ARHGAP12: variants seen among roughly 807,000 people sequenced by gnomAD.
ARHGAP12 encodes the protein rho GTPase-activating protein 12.
Under a neutral mutation model 108.6 loss-of-function variants are expected in ARHGAP12, and 64 were observed. The observed-to-expected ratio is 0.59, with a 90% CI of 0.48 to 0.73. The LOEUF (loss-of-function observed/expected upper bound fraction) is 0.73. Among genes scored for constraint, ARHGAP12 ranks in the 30% least tolerant of loss-of-function variants. ARHGAP12 has a pLI of 0.00. For missense variants in ARHGAP12, 940 were observed against 1,005.9 expected, an observed-to-expected ratio of 0.93 and a Z score of 0.89; for synonymous variants, 312 against 337.2, an observed-to-expected ratio of 0.93 and a Z score of 0.82.
chr10:31,842,378 T>C (rs1364808366), intron 7 of ARHGAP12, among the ~76,000 whole-genome samples: 3 of 152,066 alleles, frequency 2.0e-5, no homozygotes, highest in Non-Finnish European at 4.4e-5. Flanking sequence ...TTTTCAAGCA[T>C]ATCTTCAATA....
At chr10:31,814,920 C>T (rs184715422) in intron 13 of ARHGAP12, among the ~76,000 whole-genome samples, 1 of 152,076 alleles carries the variant, frequency 6.6e-6, no homozygotes, top group East Asian at 1.9e-4. Context: ...GAGATTGAGA[C>T]CAGCCTGGCC....
chr10:31,866,301 C>A (rs1837318124), intron 3 of ARHGAP12, among the ~76,000 whole-genome samples: 1 of 152,172 alleles, frequency 6.6e-6, no homozygotes, highest in Admixed American at 6.5e-5. Context: ...TTAAAGACTT[C>A]AGCTACCAGC....
rs1259305939 is a variant in ARHGAP12, at chr10:31,908,407, A to C, written c.449T>G (p.Leu150Arg). ...YNQGQTVNLS[L>R]DLTHNNGKFN... is the part of the protein sequence containing the mutation. ...CTTTCCGTTATTATGGGTCAGGTCC[A>C]GGCTTAGGTTGACAGTCTGACCTTG... Residue 150 changes from leucine (L) to arginine (R), a missense_variant, in exon 3 of 20, where the codon CTG (leucine) becomes CGG (arginine). Leu to Arg is a moderately radical substitution (Grantham distance 102). Transcript: ENST00000344936. The C allele has an allele frequency of 1.9e-6, 3 of 1,614,100 alleles. No homozygotes were observed. Among genetic ancestry groups the C allele is most frequent in the Non-Finnish European group, 2.5e-6 (3 of 1,180,050 alleles).
At chr10:31,858,772 AC>A (rs2132300100) in intron 4 of ARHGAP12, among the ~76,000 whole-genome samples, 1 of 152,272 alleles carries the variant, frequency 6.6e-6, no homozygotes. Context: ...TAAAATCACA[AC>A]AGCGAAATGT....
chr10:31,866,533 CA>C (rs1837329647), intron 3 of ARHGAP12, among the ~76,000 whole-genome samples: 1 of 151,306 alleles, frequency 6.6e-6, no homozygotes, highest in Non-Finnish European at 1.5e-5. Context: ...GGTGAGTGAA[CA>C]GGACAAACAC....
At chr10:31,845,946 CATTA>C (rs2132263928) in intron 6 of ARHGAP12, among the ~76,000 whole-genome samples, 1 of 152,252 alleles carries the variant, frequency 6.6e-6, no homozygotes, top group African/African-American at 2.4e-5. Context: ...GGCATTTTAT[CATTA>C]ATTGTCTGTT....
intron 3 of ARHGAP12, among the ~76,000 whole-genome samples, chr10:31,882,913 C>T (rs1838035603): frequency 6.6e-6 from 1 of 151,332 alleles, no homozygotes; most frequent in Non-Finnish European, 1.5e-5. Context: ...AAAACAGATA[C>T]TAGATATCCC....
chr10:31,917,789 A>T (rs954901686), intron 1 of ARHGAP12, among the ~76,000 whole-genome samples: 1 of 152,240 alleles, frequency 6.6e-6, no homozygotes, highest in African/African-American at 2.4e-5. Context: ...ATAATGTTTA[A>T]ATTATGCCAG....
In ARHGAP12 at chr10:31,852,542, G is replaced by A; in HGVS notation, c.1145C>T (p.Ser382Phe). 6.2e-7 allele frequency: 1 copy of A among 1,613,050 alleles called. No homozygotes were observed. Among genetic ancestry groups the A allele is most frequent in the East Asian group, 2.2e-5 (1 of 44,814 alleles). ...GRQYYYSADG[S>F]RSEWELPKYN... The stretch of plus-strand genomic sequence containing the variant: ...CTTTGGCAATTCCCATTCTGACCGA[G>A]ATCCGTCTGCACTGTAGTAATATTG... Residue 382 changes from serine to phenylalanine, a missense_variant, in exon 6 of 20, where the codon TCT becomes TTT. Transcript: ENST00000344936.
rs1834793963 is a variant in ARHGAP12 at position 31,805,627 on chromosome 10, A to G, written c.*2031T>C. On this transcript the variant is annotated 3_prime_UTR_variant, in exon 20 of 20. Transcript: ENST00000344936. ...ATTACAATAAACTGATTAGCTGTAGACTAATAAAACATTTAAGACTTCACA... is the reference window on the plus strand; with the variant it reads ...ATTACAATAAACTGATTAGCTGTAGGCTAATAAAACATTTAAGACTTCACA... 1.4e-5 allele frequency: 2 copies of G among 147,928 alleles called. No homozygotes were observed. The highest frequency in any genetic ancestry group is 4.3e-4 in the South Asian group (2 of 4,658). 9.2% of individuals were successfully genotyped at this position (147,928 alleles called of 1,614,324 possible).
chr10:31,841,104 A>G (rs546100451), intron 7 of ARHGAP12, among the ~76,000 whole-genome samples: 1 of 152,254 alleles, frequency 6.6e-6, no homozygotes, highest in South Asian at 2.1e-4. Flanking sequence ...AAAACCACAA[A>G]TACAGTAATA....
intron 3 of ARHGAP12, among the ~76,000 whole-genome samples, chr10:31,895,540 C>A (rs1438035473): frequency 2.0e-5 from 3 of 152,228 alleles, no homozygotes; most frequent in East Asian, 1.9e-4. Flanking sequence ...AACCATAATG[C>A]GATACCATCT....
At chr10:31,835,895 T>C (rs1337351989) in intron 9 of ARHGAP12, among the ~76,000 whole-genome samples, 3 of 152,092 alleles carry the variant, frequency 2.0e-5, no homozygotes, top group Non-Finnish European at 4.4e-5. Flanking sequence ...GGGTTTTATT[T>C]TGGGGTGACG....
chr10:31,828,828 A>T (rs181144878), intron 10 of ARHGAP12, among the ~76,000 whole-genome samples: 18 of 152,300 alleles, frequency 1.2e-4, no homozygotes, highest in African/African-American at 3.6e-4. Flanking sequence ...AAAACAAATA[A>T]TATTATTTAT....
At position 31,895,080 on chromosome 10, in the gene ARHGAP12, C is replaced by A. The variant is rs541631099; in HGVS notation, c.684+13092G>T. Among the ~76,000 whole-genome samples the A allele has an allele frequency of 3.3e-5, 5 of 152,276 alleles. No individual in the cohort carries two copies. The South Asian group carries it at 1.0e-3, about 32-fold the overall frequency. On this transcript the variant is annotated intron_variant, in intron 3 of 19. Coordinates refer to ENST00000344936, the MANE Select transcript of ARHGAP12 (RefSeq NM_018287.7). ...GCTGAAACTGGATCCCTTCCTTATA[C>A]CTTACACAAAAATTAATTCAAGATG...
intron 6 of ARHGAP12, among the ~76,000 whole-genome samples, chr10:31,849,560 A>G (rs556950022): frequency 3.3e-5 from 5 of 152,348 alleles, no homozygotes; most frequent in Non-Finnish European, 7.3e-5. Context: ...TTAAGAGTGC[A>G]GAATGTAACC....
chr10:31,900,508 T>C (rs978106933), intron 3 of ARHGAP12, among the ~76,000 whole-genome samples: 1 of 152,212 alleles, frequency 6.6e-6, no homozygotes, highest in Admixed American at 6.5e-5. Flanking sequence ...GATTAGATTA[T>C]ACAGCAATAA....
At chr10:31,833,084 T>C (rs1380762309) in intron 9 of ARHGAP12, among the ~76,000 whole-genome samples, 1 of 151,720 alleles carries the variant, frequency 6.6e-6, no homozygotes, top group Non-Finnish European at 1.5e-5. Context: ...TAAACCTTCA[T>C]GTTGAGGGCT....
chr10:31,841,153 T>G (rs528760249), intron 7 of ARHGAP12, among the ~76,000 whole-genome samples: 2 of 152,140 alleles, frequency 1.3e-5, no homozygotes, highest in South Asian at 4.1e-4. Flanking sequence ...CAAGAAATAA[T>G]TTTACATGTA....
Sources: allele counts gnomAD v4.1 joint callset (sites outside exome capture counted in the v4.1 genomes callset), GRCh38; gene constraint gnomAD v4.1.1; transcripts MANE v1.5; gene names NCBI Gene and HGNC (gene_info 2026-07-23, HGNC 2026-07-21).